Variants in CDH18 observed in about 807,000 individuals in gnomAD.
CDH18 encodes the protein cadherin 18, also known as cadherin-18.
In CDH18, 31 loss-of-function variants were observed where a neutral mutation model predicts 67.9. The ratio of observed to expected loss-of-function variants is 0.46; its 90% confidence interval spans 0.34 to 0.62. CDH18 has a LOEUF of 0.62. Among genes scored for constraint, CDH18 ranks in the 20% least tolerant of loss-of-function variants. The probability of loss-of-function intolerance (pLI) is 0.01; values close to 1 mark genes in which losing one functional copy is unlikely to be tolerated. For synonymous variants in CDH18, 362 were observed against 347.2 expected (o/e 1.04, Z -0.48); for missense variants, 890 against 975.5 (o/e 0.91, Z 1.17).
intron 2 of CDH18, among the ~76,000 whole-genome samples, chr5:20,109,996 A>G (rs1165621737): frequency 1.3e-5 from 2 of 152,212 alleles, no homozygotes; most frequent in Admixed American, 6.5e-5. Flanking sequence ...GGAATTGTCA[A>G]TGAGATAGAA....
intron 1 of CDH18, among the ~76,000 whole-genome samples, chr5:20,480,731 C>T (rs1339977695): frequency 6.6e-6 from 1 of 152,022 alleles, no homozygotes; most frequent in African/African-American, 2.4e-5. Flanking sequence ...AGTTTTTGCT[C>T]GCTTGTAATT....
At chr5:19,644,616 G>T (rs1754472845) in intron 5 of CDH18, among the ~76,000 whole-genome samples, 1 of 152,058 alleles carries the variant, frequency 6.6e-6, no homozygotes, top group South Asian at 2.1e-4. Flanking sequence ...ATTATACTAA[G>T]AAAGTTGTGA....
chr5:19,819,964 A>C (rs1779693098), intron 3 of CDH18, among the ~76,000 whole-genome samples: 1 of 152,082 alleles, frequency 6.6e-6, no homozygotes, highest in Non-Finnish European at 1.5e-5. Context: ...GTGGCCTGAG[A>C]GCAGTTTGCC....
chr5:19,901,725 G>C (rs1026765340), intron 2 of CDH18, among the ~76,000 whole-genome samples: 1 of 151,674 alleles, frequency 6.6e-6, no homozygotes, highest in Non-Finnish European at 1.5e-5. Context: ...TAAAATTTTA[G>C]ACTCAAAATG....
intron 1 of CDH18, among the ~76,000 whole-genome samples, chr5:20,433,604 A>G (rs1389243041): frequency 1.3e-5 from 2 of 152,012 alleles, no homozygotes; most frequent in African/African-American, 4.8e-5. Context: ...TGAGGAGGAG[A>G]GTTGAGCACC....
At chr5:20,558,746 T>C (rs1561129774) in intron 1 of CDH18, among the ~76,000 whole-genome samples, 1 of 152,030 alleles carries the variant, frequency 6.6e-6, no homozygotes, top group African/African-American at 2.4e-5. Context: ...AGTTCTCATA[T>C]AGAGGTAAAG....
chr5:20,022,869 C>T (rs1036544485), intron 2 of CDH18, among the ~76,000 whole-genome samples: 12 of 152,050 alleles, frequency 7.9e-5, no homozygotes, highest in African/African-American at 1.4e-4. Context: ...TGCTTGCACT[C>T]GGGTATACAA....
intron 2 of CDH18, among the ~76,000 whole-genome samples, chr5:20,050,096 A>G (rs1302578847): frequency 7.2e-5 from 11 of 151,960 alleles, no homozygotes; most frequent in Non-Finnish European, 1.2e-4. Flanking sequence ...GTGGTATGTG[A>G]TCTAATACTT....
chr5:19,748,695 C>T (rs977635083), intron 3 of CDH18, among the ~76,000 whole-genome samples: 5 of 152,068 alleles, frequency 3.3e-5, no homozygotes, highest in African/African-American at 1.2e-4. Context: ...GTAACATGAA[C>T]ATTTTTGAGG....
chr5:20,258,091 A>G (rs1245382851), intron 1 of CDH18, among the ~76,000 whole-genome samples: 1 of 152,156 alleles, frequency 6.6e-6, no homozygotes, highest in Non-Finnish European at 1.5e-5. Context: ...AAGTCCCTAC[A>G]GGTTGTCCAT....
At chr5:20,267,833 T>C (rs907638585) in intron 1 of CDH18, among the ~76,000 whole-genome samples, 1 of 152,210 alleles carries the variant, frequency 6.6e-6, no homozygotes, top group Non-Finnish European at 1.5e-5. Flanking sequence ...ACGAGGTACA[T>C]GTGCAGGTTA....
intron 3 of CDH18, among the ~76,000 whole-genome samples, chr5:19,824,518 G>A (rs557042711): frequency 1.3e-5 from 2 of 152,286 alleles, no homozygotes; most frequent in African/African-American, 4.8e-5. Context: ...TTCTAGACAG[G>A]CAGAGAGCCA....
At chr5:19,624,409 G>A (rs1751195085) in intron 5 of CDH18, among the ~76,000 whole-genome samples, 1 of 152,120 alleles carries the variant, frequency 6.6e-6, no homozygotes, top group South Asian at 2.1e-4. Flanking sequence ...ATTAAAGCAT[G>A]CCTACATATC....
chr5:19,746,651 A>G (rs1037171944), intron 4 of CDH18, among the ~76,000 whole-genome samples: 1 of 152,200 alleles, frequency 6.6e-6, no homozygotes. Context: ...TAGAAGAGCC[A>G]TATCAATTAA....
chr5:20,064,534 T>C (rs1742799762), intron 2 of CDH18, among the ~76,000 whole-genome samples: 2 of 152,138 alleles, frequency 1.3e-5, no homozygotes, highest in African/African-American at 4.8e-5. Flanking sequence ...AAAATTGCTG[T>C]ATGATTTTAT....
At chr5:19,882,612 A>G (rs1787771752) in intron 2 of CDH18, among the ~76,000 whole-genome samples, 1 of 152,150 alleles carries the variant, frequency 6.6e-6, no homozygotes, top group African/African-American at 2.4e-5. Flanking sequence ...GTTTCAGAAA[A>G]GTTTTGTATC....
At chr5:19,745,000 C>T (rs1050525979) in intron 4 of CDH18, among the ~76,000 whole-genome samples, 2 of 152,118 alleles carry the variant, frequency 1.3e-5, no homozygotes, top group East Asian at 1.9e-4. Flanking sequence ...ATTATGATTG[C>T]TCCTTTCCCC....
chr5:20,130,640 C>T (rs900697155), intron 2 of CDH18, among the ~76,000 whole-genome samples: 2 of 152,078 alleles, frequency 1.3e-5, no homozygotes, highest in Admixed American at 6.5e-5. Context: ...AATTGAGAGA[C>T]ATTGAACAGT....
chr5:19,729,412 T>C (rs1343634528), intron 4 of CDH18, among the ~76,000 whole-genome samples: 5 of 152,212 alleles, frequency 3.3e-5, no homozygotes, highest in African/African-American at 1.2e-4. Flanking sequence ...TCCAGCCCTA[T>C]CTATTTTGAT....
Sources: gnomAD v4.1 joint callset for allele counts (sites outside exome capture counted in the v4.1 genomes callset) on GRCh38, gnomAD v4.1.1 for gene constraint, MANE v1.5 for transcripts, NCBI Gene and HGNC (gene_info 2026-07-23, HGNC 2026-07-21) for gene names.